Variants in COL25A1 observed in about 807,000 individuals in gnomAD.
COL25A1 encodes collagen alpha-1(XXV) chain.
Under a neutral mutation model 128.4 loss-of-function variants are expected in COL25A1, and 103 were observed. The observed-to-expected ratio is 0.80, with a 90% CI of 0.68 to 0.94. The LOEUF is 0.94. Ranked by LOEUF, COL25A1 falls within the 40% of genes least tolerant of loss-of-function variation. The pLI is 0.00. For missense variants in COL25A1, 745 were observed against 840.0 expected, an observed-to-expected ratio of 0.89 and a Z score of 1.40; for synonymous variants, 279 against 277.2, an observed-to-expected ratio of 1.01 and a Z score of -0.06.
At chr4:108,872,981 C>A (rs931121356) in intron 19 of COL25A1, among the ~76,000 whole-genome samples, 9 of 151,888 alleles carry the variant, frequency 5.9e-5, no homozygotes, top group Non-Finnish European at 1.2e-4. Context: ...CAGGCTTGAT[C>A]CCCTGGGCTC....
intron 20 of COL25A1, among the ~76,000 whole-genome samples, chr4:108,865,862 G>GGA (rs1737846919): frequency 6.6e-6 from 1 of 152,146 alleles, no homozygotes; most frequent in Non-Finnish European, 1.5e-5. Context: ...TCAAACTCCT[G>GGA]GACTCAAGTA....
chr4:109,227,425 C>T (rs1342040995), intron 3 of COL25A1, among the ~76,000 whole-genome samples: 1 of 152,146 alleles, frequency 6.6e-6, no homozygotes, highest in Non-Finnish European at 1.5e-5. Context: ...GGGAAGGTAT[C>T]TTGTAATTTT....
At chr4:109,201,093 A>G (rs1776521028) in intron 3 of COL25A1, among the ~76,000 whole-genome samples, 1 of 152,086 alleles carries the variant, frequency 6.6e-6, no homozygotes, top group Non-Finnish European at 1.5e-5. Flanking sequence ...ATCTTCAATA[A>G]TCTTATCTTC....
intron 11 of COL25A1, among the ~76,000 whole-genome samples, chr4:108,936,887 T>A (rs1747486247): frequency 6.6e-6 from 1 of 150,932 alleles, no homozygotes; most frequent in Admixed American, 6.6e-5. Context: ...CAAGTGATCC[T>A]CCCCTCGCTG....
rs772751762 is a variant in COL25A1, at chr4:108,884,229, A to G, written c.976-7T>C. The G allele has an allele frequency of 1.2e-6, 2 of 1,612,766 alleles. No homozygotes were observed. Among genetic ancestry groups the G allele is most frequent in the South Asian group, 1.1e-5 (1 of 91,034 alleles). ...CAGGAAGCCCTGGTTCACCCTACAC[A>G]GGAAAATCATATAGCATTATAGAAT... On this transcript the variant is annotated splice_polypyrimidine_tract_variant and splice_region_variant and intron_variant, in intron 18 of 37. Transcript: ENST00000399132.
chr4:108,834,351 T>A, intron 31 of COL25A1: 10 of 1,550,490 alleles, frequency 6.4e-6, no homozygotes, highest in Non-Finnish European at 8.7e-6. Context: ...AGGGACTGAC[T>A]CACCCGGGAT....
chr4:109,207,478 TATCACTGACAAA>T (rs1457181811), intron 3 of COL25A1, among the ~76,000 whole-genome samples: 3 of 152,212 alleles, frequency 2.0e-5, no homozygotes, highest in Admixed American at 6.5e-5. Flanking sequence ...CTGAGGTTTC[TATCACTGACAAA>T]ACACTTAAGA....
chr4:109,269,432 C>T (rs566654103), intron 3 of COL25A1, among the ~76,000 whole-genome samples: 2 of 146,656 alleles, frequency 1.4e-5, no homozygotes, highest in South Asian at 4.5e-4. Context: ...ATTTATAGTC[C>T]TTTGGGTATA....
At chr4:108,974,338 C>T (rs1175277603) in intron 8 of COL25A1, 29 bp downstream of exon 8, 1 of 1,612,134 alleles carries the variant, frequency 6.2e-7, no homozygotes, top group African/African-American at 1.3e-5. Flanking sequence ...AACTAATTTT[C>T]CGCCCAAGAT....
At chr4:109,229,354 C>T (rs555075447) in intron 3 of COL25A1, among the ~76,000 whole-genome samples, 90 of 152,174 alleles carry the variant, frequency 5.9e-4, no homozygotes, top group Non-Finnish European at 1.1e-3. Flanking sequence ...TCCTGTAAGC[C>T]TCTGGTTACA....
chr4:108,898,854 A>G (rs1742457172), intron 15 of COL25A1, among the ~76,000 whole-genome samples: 1 of 152,260 alleles, frequency 6.6e-6, no homozygotes, highest in Middle Eastern at 3.4e-3. Context: ...TTCTGAAGGT[A>G]CATCGGCACC....
In COL25A1 at chr4:109,300,364, T is replaced by C. The variant is rs1227826225; in HGVS notation, c.367+219A>G. ...TTGCCTATATTTTCTTTGGTGATTA[T>C]ATCCTTTGCTTTCCCATAACAGGCC... On this transcript the variant is annotated intron_variant, in intron 3 of 37. Transcript: ENST00000399132. 4.6e-5 allele frequency among the ~76,000 whole-genome samples: 7 copies of C among 152,336 alleles called. No homozygotes were observed. In the East Asian group the frequency reaches 1.3e-3, roughly 29 times the overall value.
chr4:109,135,245 G>A (rs1304615720), intron 3 of COL25A1, among the ~76,000 whole-genome samples: 3 of 151,992 alleles, frequency 2.0e-5, no homozygotes, highest in African/African-American at 7.3e-5. Flanking sequence ...ATCAAACTGA[G>A]GAGTGAGTAG....
chr4:109,273,196 C>T (rs986445379), intron 3 of COL25A1, among the ~76,000 whole-genome samples: 2 of 152,146 alleles, frequency 1.3e-5, no homozygotes, highest in Non-Finnish European at 2.9e-5. Flanking sequence ...ATACTTCATT[C>T]TTACCAGATT....
At chr4:109,278,353 T>C (rs527387775) in intron 3 of COL25A1, among the ~76,000 whole-genome samples, 1 of 152,340 alleles carries the variant, frequency 6.6e-6, no homozygotes, top group South Asian at 2.1e-4. Flanking sequence ...TGAAATGGTA[T>C]CTTACAAAAA....
intron 35 of COL25A1, among the ~76,000 whole-genome samples, chr4:108,822,754 T>G (rs1017860585): frequency 6.6e-6 from 1 of 152,204 alleles, no homozygotes; most frequent in Non-Finnish European, 1.5e-5. Context: ...ACACTCATCT[T>G]GGGCTAAAAG....
intron 5 of COL25A1, among the ~76,000 whole-genome samples, chr4:109,045,672 G>A (rs1277598756): frequency 6.6e-6 from 1 of 152,056 alleles, no homozygotes; most frequent in Non-Finnish European, 1.5e-5. Context: ...TACTATGGTA[G>A]GGTTGTATTG....
intron 3 of COL25A1, among the ~76,000 whole-genome samples, chr4:109,204,985 T>A (rs1776863744): frequency 6.6e-6 from 1 of 152,204 alleles, no homozygotes. Context: ...ACTATCTTAG[T>A]GTGTGTGTTA....
intron 6 of COL25A1, among the ~76,000 whole-genome samples, chr4:108,991,754 T>C (rs1754252278): frequency 6.6e-6 from 1 of 152,188 alleles, no homozygotes; most frequent in Non-Finnish European, 1.5e-5. Context: ...AGTCAGGCTA[T>C]ATGATCTGAA....
Sources: allele counts gnomAD v4.1 joint callset (sites outside exome capture counted in the v4.1 genomes callset), GRCh38; gene constraint gnomAD v4.1.1; transcripts MANE v1.5; gene names NCBI Gene and HGNC (gene_info 2026-07-23, HGNC 2026-07-21).